The following CECR2 variants were observed in gnomAD, a reference collection of about 807,000 sequenced individuals.
The protein encoded by CECR2 is CECR2 histone acetyl-lysine reader.
In CECR2, 30 loss-of-function variants were observed where a neutral mutation model predicts 154.5. The ratio of observed to expected loss-of-function variants is 0.19; its 90% confidence interval spans 0.15 to 0.26. CECR2 has a LOEUF of 0.26. Ranked by LOEUF, CECR2 falls within the 10% of genes least tolerant of loss-of-function variation. The pLI is 1.00. For synonymous variants in CECR2, 725 were observed against 683.7 expected, an observed-to-expected ratio of 1.06 and a Z score of -0.94; for missense variants, 1,743 against 1,829.3, an observed-to-expected ratio of 0.95 and a Z score of 0.86.
chr22:17,503,883 C>A (rs991239916), intron 6 of CECR2, among the ~76,000 whole-genome samples: 2 of 151,612 alleles, frequency 1.3e-5, no homozygotes, highest in African/African-American at 2.4e-5. Context: ...CCCATCTCTA[C>A]TAAAAATACA....
At chr22:17,482,115 CAAAAAAAAA>C (rs869050391) in intron 2 of CECR2, among the ~76,000 whole-genome samples, 6,169 of 76,186 alleles carry the variant, frequency 0.081, 296 homozygotes, top group South Asian at 0.17. Flanking sequence ...ACTCTGTCTC[CAAAAAAAAA>C]AAAAAAAAAA....
chr22:17,476,705 G>A (rs539781992), intron 1 of CECR2, among the ~76,000 whole-genome samples: 2 of 152,312 alleles, frequency 1.3e-5, no homozygotes, highest in East Asian at 3.9e-4. Flanking sequence ...TCAAACCATA[G>A]GGAGCAGACT....
Position 17,481,049 on chromosome 22 carries a change from T to TAAAAA in CECR2, c.221+3375_221+3379dup, listed in dbSNP as rs572712907. ...AGTGAGACTCCATCTCTTTTTTTTT[T>TAAAAA]AAAAAAAAAAAAGGCCGGGCACGGT... On this transcript the variant is annotated intron_variant, in intron 2 of 18. Coordinates refer to ENST00000262608, the MANE Select transcript of CECR2 (RefSeq NM_001290047.2). 4.3e-5 allele frequency among the ~76,000 whole-genome samples: 4 copies of TAAAAA among 92,070 alleles called. 1 individual carries two copies. The highest frequency in any genetic ancestry group is 1.2e-4 in the Admixed American group (1 of 8,070). The allele number at this position is 92,070 out of a possible 152,430, so 60.4% of individuals were successfully genotyped here.
intron 1 of CECR2, among the ~76,000 whole-genome samples, chr22:17,467,787 A>AAAAG (rs200526150): frequency 6.7e-6 from 1 of 148,272 alleles, no homozygotes; most frequent in South Asian, 2.1e-4. Flanking sequence ...AGTCTCAAAA[A>AAAAG]AAAGAAAGAA....
In CECR2 at chr22:17,499,467, C is replaced by T. The variant is rs549635868; in HGVS notation, c.463C>T (p.Leu155=). 21 of 1,613,840 alleles carry T rather than the reference C, an allele frequency of 1.3e-5. No homozygotes were observed. The South Asian group carries it at 1.9e-4, about 14-fold the overall frequency. Residue 155 remains leucine, a synonymous_variant, in exon 4 of 19, where the codon CTA becomes TTA. Coordinates refer to ENST00000262608, the MANE Select transcript of CECR2 (RefSeq NM_001290047.2). Reference sequence around the variant, plus strand: ...ATTGGGTGAAGACAATTCTGGGGCACTATATTGGTATTTCTATGGAACACG... The same window carrying T: ...ATTGGGTGAAGACAATTCTGGGGCATTATATTGGTATTTCTATGGAACACG... The part of the protein sequence containing the change: ...EPLGEDNSGA[L]YWYFYGTRMY...
At chr22:17,511,518 A>T (rs1159226225) in intron 7 of CECR2, among the ~76,000 whole-genome samples, 7 of 146,470 alleles carry the variant, frequency 4.8e-5, no homozygotes, top group Non-Finnish European at 9.0e-5. Context: ...TGGGAAGATA[A>T]TTTTTTTTTT....
chr22:17,426,866 A>T (rs958637309), intron 1 of CECR2, among the ~76,000 whole-genome samples: 25 of 151,032 alleles, frequency 1.7e-4, no homozygotes, highest in Non-Finnish European at 3.1e-4. Flanking sequence ...GGGAACACAA[A>T]TTTTTTTTTT....
Position 17,404,364 on chromosome 22 carries a change from C to CTTTTT in CECR2, c.126+34458_126+34459insTTTTT, listed in dbSNP as rs1209598318. On this transcript the variant is annotated intron_variant, in intron 1 of 18. Transcript: ENST00000262608. ...TGTGGGTTCATTTCTGGACCCTGTT[C>CTTTTT]TTTCTTTTTTTTTTTTTTTTTTTTT... Among the ~76,000 whole-genome samples, 57 of 59,614 alleles carry CTTTTT rather than the reference C, an allele frequency of 9.6e-4. 3 individuals are homozygous for CTTTTT. Among genetic ancestry groups the CTTTTT allele is most frequent in the African/African-American group, 2.0e-3 (26 of 13,312 alleles). 39.1% of individuals were successfully genotyped at this position (59,614 alleles called of 152,430 possible). A position where few individuals can be genotyped will look rare whatever the true frequency, so the allele number is the denominator to read the frequency against.
At chr22:17,539,279 CT>C in intron 13 of CECR2, 160 bp downstream of exon 13, 1 of 751,968 alleles carries the variant, frequency 1.3e-6, no homozygotes, top group Non-Finnish European at 2.1e-6. Context: ...TATACAGTGT[CT>C]GCCAGGGATT....
intron 1 of CECR2, among the ~76,000 whole-genome samples, chr22:17,447,401 C>T (rs1185389228): frequency 6.6e-6 from 1 of 151,946 alleles, no homozygotes; most frequent in Non-Finnish European, 1.5e-5. Flanking sequence ...GATCCACCCA[C>T]CTCGGCCTCC....
At chr22:17,531,636 G>A (rs547837912) in intron 9 of CECR2, among the ~76,000 whole-genome samples, 69 of 152,280 alleles carry the variant, frequency 4.5e-4, no homozygotes, top group South Asian at 1.9e-3. Context: ...GTATAGTAAG[G>A]CCAAGAGAAT....
chr22:17,529,434 C>T (rs1249837186), intron 9 of CECR2, among the ~76,000 whole-genome samples: 1 of 152,240 alleles, frequency 6.6e-6, no homozygotes, highest in Non-Finnish European at 1.5e-5. Flanking sequence ...GGCGCCGTGG[C>T]TCACGGTTGT....
intron 9 of CECR2, among the ~76,000 whole-genome samples, chr22:17,530,957 T>A (rs1188547225): frequency 6.6e-6 from 1 of 152,106 alleles, no homozygotes; most frequent in Admixed American, 6.6e-5. Context: ...ACTGGAGTGA[T>A]GAAAAGATAC....
At chr22:17,545,374 CAAAAAAAAAAAA>C (rs695493) in intron 16 of CECR2, among the ~76,000 whole-genome samples, 9 of 46,440 alleles carry the variant, frequency 1.9e-4, no homozygotes, top group Non-Finnish European at 2.7e-4. Flanking sequence ...GACTCCGTCT[CAAAAAAAAAAAA>C]AAAAAAAAAA....
At chr22:17,459,338 C>G (rs2054901349) in intron 1 of CECR2, among the ~76,000 whole-genome samples, 1 of 152,214 alleles carries the variant, frequency 6.6e-6, no homozygotes, top group South Asian at 2.1e-4. Flanking sequence ...GTGTCCCAGC[C>G]TAGAGCATAG....
At chr22:17,529,122 G>T (rs1267952545) in intron 9 of CECR2, among the ~76,000 whole-genome samples, 4 of 152,174 alleles carry the variant, frequency 2.6e-5, no homozygotes, top group Admixed American at 2.6e-4. Flanking sequence ...CCTCTCTGAA[G>T]ATTTGACATT....
At position 17,505,020 on chromosome 22, in the gene CECR2, C is replaced by T. The variant is rs774664216; in HGVS notation, c.870+4C>T. 5.6e-6 allele frequency: 9 copies of T among 1,612,178 alleles called. No homozygotes were observed. The highest frequency in any genetic ancestry group is 5.5e-5 in the South Asian group (5 of 90,962). The stretch of plus-strand genomic sequence containing the variant: ...CTGCAACATGATCGCCCAGAAGGTG[C>T]GCCACACTCTCTGCTCTGTCCTCCT... On this transcript the variant is annotated splice_donor_region_variant and intron_variant, in intron 7 of 18. Coordinates refer to ENST00000262608, the MANE Select transcript of CECR2 (RefSeq NM_001290047.2).
chr22:17,379,584 GTGT>G (rs2063162280), intron 1 of CECR2, among the ~76,000 whole-genome samples: 4 of 109,958 alleles, frequency 3.6e-5, no homozygotes, highest in African/African-American at 2.1e-4. Flanking sequence ...CGTTGAAGGT[GTGT>G]GTGTGTGTGT....
At chr22:17,393,888 A>ATTT (rs71200270) in intron 1 of CECR2, among the ~76,000 whole-genome samples, 2,511 of 134,006 alleles carry the variant, frequency 0.019, 90 homozygotes, top group African/African-American at 0.067. Flanking sequence ...TTTTTTATTC[A>ATTT]TTTTTTTTTT....
Sources: gnomAD v4.1 joint callset for allele counts (sites outside exome capture counted in the v4.1 genomes callset) on GRCh38, gnomAD v4.1.1 for gene constraint, MANE v1.5 for transcripts, NCBI Gene and HGNC (gene_info 2026-07-23, HGNC 2026-07-21) for gene names.